Variants in TSGA10 observed in about 807,000 individuals in gnomAD.
TSGA10 encodes testis-specific gene 10 protein.
A neutral mutation model predicts 96.6 loss-of-function variants in TSGA10; 43 were observed. That is an observed-to-expected ratio of 0.44 (90% CI 0.35 to 0.57). The LOEUF is 0.57. Ranked by LOEUF, TSGA10 falls within the 20% of genes least tolerant of loss-of-function variation. The pLI is 0.01. For missense variants in TSGA10, 703 were observed against 834.4 expected (o/e 0.84, Z 1.94); for synonymous variants, 229 against 269.9 (o/e 0.85, Z 1.48).
chr2:99,141,391 C>T (rs2093547883), intron 1 of TSGA10: 2 of 196,894 alleles, frequency 1.0e-5, no homozygotes, highest in Middle Eastern at 2.2e-3. Flanking sequence ...GCTTTGCTTC[C>T]GTCCCGCTCG....
At chr2:99,096,075 AT>A (rs1489905278) in intron 10 of TSGA10, among the ~76,000 whole-genome samples, 2 of 152,246 alleles carry the variant, frequency 1.3e-5, no homozygotes, top group African/African-American at 2.4e-5. Context: ...TTTTTCCATA[AT>A]TTTTAAATTT....
intron 16 of TSGA10, among the ~76,000 whole-genome samples, chr2:99,044,351 C>CAAAAAAAAAAAAAAAA (rs57316203): frequency 1.0e-5 from 1 of 98,564 alleles, no homozygotes; most frequent in Non-Finnish European, 2.3e-5. Flanking sequence ...AAATGGAAAG[C>CAAAAAAAAAAAAAAAA]AAAAAAAAAA....
At chr2:99,038,953 A>C (rs550174348) in intron 16 of TSGA10, among the ~76,000 whole-genome samples, 15 of 152,126 alleles carry the variant, frequency 9.9e-5, no homozygotes, top group South Asian at 4.1e-4. Context: ...TCAAACCACA[A>C]TGGAATAAAA....
intron 16 of TSGA10, among the ~76,000 whole-genome samples, chr2:99,040,422 A>T (rs987865845): frequency 5.3e-5 from 8 of 152,106 alleles, no homozygotes; most frequent in African/African-American, 1.9e-4. Flanking sequence ...AGTATACAAA[A>T]TCAATGTACA....
chr2:99,055,999 C>T (rs941685111), intron 16 of TSGA10, among the ~76,000 whole-genome samples: 1 of 151,570 alleles, frequency 6.6e-6, no homozygotes, highest in Non-Finnish European at 1.5e-5. Context: ...GTCAGGAGAT[C>T]GAGATCATCC....
chr2:99,069,660 A>C (rs2085691939), intron 14 of TSGA10, among the ~76,000 whole-genome samples: 1 of 151,310 alleles, frequency 6.6e-6, no homozygotes, highest in Non-Finnish European at 1.5e-5. Flanking sequence ...TAAATAAATA[A>C]ATAATAATTA....
chr2:99,153,034 G>T (rs1205375332), intron 1 of TSGA10, among the ~76,000 whole-genome samples: 2 of 152,176 alleles, frequency 1.3e-5, no homozygotes, highest in Admixed American at 6.5e-5. Context: ...AACATTTAGG[G>T]CTGACTAGAT....
chr2:99,029,404 T>A (rs1218372904), intron 17 of TSGA10, among the ~76,000 whole-genome samples: 1 of 152,004 alleles, frequency 6.6e-6, no homozygotes, highest in Non-Finnish European at 1.5e-5. Flanking sequence ...TCAACAAATA[T>A]ATCTCAGTAA....
chr2:99,134,633 T>C (rs2093248591), intron 1 of TSGA10, among the ~76,000 whole-genome samples: 1 of 152,128 alleles, frequency 6.6e-6, no homozygotes, highest in South Asian at 2.1e-4. Context: ...TGGCGAGCAG[T>C]TGTAATCCTT....
At chr2:99,010,667 G>A (rs2104870525) in intron 20 of TSGA10, among the ~76,000 whole-genome samples, 1 of 152,346 alleles carries the variant, frequency 6.6e-6, no homozygotes, top group South Asian at 2.1e-4. Context: ...CAGAATTGGG[G>A]AGGGGTCACA....
At chr2:99,094,458 C>T (rs144617924) in intron 10 of TSGA10, among the ~76,000 whole-genome samples, 1,637 of 152,168 alleles carry the variant, frequency 0.011, 9 homozygotes, top group Middle Eastern at 0.027. Context: ...GCAGAGTAAA[C>T]AGAAAACACA....
chr2:99,115,773 G>A (rs528086714), intron 4 of TSGA10, among the ~76,000 whole-genome samples: 1 of 152,026 alleles, frequency 6.6e-6, no homozygotes, highest in Non-Finnish European at 1.5e-5. Context: ...CCAGCTACTC[G>A]GGAGACTGAG....
intron 12 of TSGA10, 141 bp downstream of exon 12, chr2:99,078,518 C>T (rs2087028417): frequency 1.2e-6 from 1 of 807,726 alleles, no homozygotes; most frequent in African/African-American, 1.7e-5. Flanking sequence ...ATTTCAAAGT[C>T]AGATTTTGAA....
Position 99,118,580 on chromosome 2 carries a change from G to T in TSGA10, c.-385C>A. 1.0e-6 allele frequency: 1 copy of T among 983,156 alleles called. No individual in the cohort carries two copies. The highest frequency in any genetic ancestry group is 1.2e-6 in the Non-Finnish European group (1 of 828,884). The allele number at this position is 983,156 out of a possible 1,614,324, so 60.9% of individuals were successfully genotyped here. A position where few individuals can be genotyped will look rare whatever the true frequency, so the allele number is the denominator to read the frequency against. ...CTAAGCTAAATATCAAATCAATCAA[G>T]TATTTGCTGCCTAATGTGGAGGAAC... is the stretch of plus-strand genomic sequence containing the variant. On this transcript the variant is annotated 5_prime_UTR_variant, in exon 3 of 21. Coordinates refer to ENST00000393483, the MANE Select transcript of TSGA10 (RefSeq NM_025244.4).
intron 20 of TSGA10, among the ~76,000 whole-genome samples, chr2:99,008,999 G>A (rs2078754726): frequency 6.6e-6 from 1 of 152,084 alleles, no homozygotes; most frequent in African/African-American, 2.4e-5. Context: ...AAAGAAAGGG[G>A]GTGGAGGCAT....
intron 10 of TSGA10, among the ~76,000 whole-genome samples, chr2:99,081,976 T>C (rs760886801): frequency 1.3e-5 from 2 of 152,010 alleles, no homozygotes; most frequent in Non-Finnish European, 2.9e-5. Flanking sequence ...TTGTTTCCCA[T>C]ATAAATAAGA....
At chr2:99,134,985 C>A (rs922669764) in intron 1 of TSGA10, among the ~76,000 whole-genome samples, 5 of 152,130 alleles carry the variant, frequency 3.3e-5, no homozygotes, top group Non-Finnish European at 7.4e-5. Context: ...CAGAGGGGCA[C>A]CCACCAGATG....
chr2:99,044,935 G>C (rs1385541127), intron 16 of TSGA10, among the ~76,000 whole-genome samples: 4 of 152,074 alleles, frequency 2.6e-5, no homozygotes, highest in Non-Finnish European at 5.9e-5. Flanking sequence ...TGACTACTGG[G>C]TACATAACAA....
intron 17 of TSGA10, among the ~76,000 whole-genome samples, chr2:99,030,317 A>G (rs1194319077): frequency 1.3e-5 from 2 of 151,904 alleles, no homozygotes; most frequent in African/African-American, 4.8e-5. Context: ...ACTGTACTCC[A>G]GCCTGGGGGA....
Sources: allele counts gnomAD v4.1 joint callset (sites outside exome capture counted in the v4.1 genomes callset), GRCh38; gene constraint gnomAD v4.1.1; transcripts MANE v1.5; gene names NCBI Gene and HGNC (gene_info 2026-07-23, HGNC 2026-07-21).